OSBPL10: variants seen among roughly 807,000 people sequenced by gnomAD.
OSBPL10 encodes oxysterol-binding protein-related protein 10.
A neutral mutation model predicts 81.7 loss-of-function variants in OSBPL10; 49 were observed. The observed-to-expected ratio is 0.60, with a 90% CI of 0.48 to 0.76. OSBPL10 has a LOEUF of 0.76. OSBPL10 is among the 30% of genes least tolerant of loss of function. The pLI is 0.00. For missense variants in OSBPL10, 923 were observed against 987.8 expected (o/e 0.93, Z 0.88); for synonymous variants, 419 against 383.6 (o/e 1.09, Z -1.08).
At chr3:32,054,810 C>T (rs1228841042) in intron 1 of OSBPL10, among the ~76,000 whole-genome samples, 3 of 152,076 alleles carry the variant, frequency 2.0e-5, no homozygotes, top group Non-Finnish European at 4.4e-5. Context: ...GGATTACAGG[C>T]ATGAGCCACT....
At chr3:31,767,884 C>T (rs533708485) in intron 4 of OSBPL10, among the ~76,000 whole-genome samples, 1 of 152,136 alleles carries the variant, frequency 6.6e-6, no homozygotes, top group East Asian at 1.9e-4. Flanking sequence ...TCACATGGGT[C>T]GTTGGCTTCA....
chr3:31,716,390 A>C lies in OSBPL10; in HGVS notation c.1096-13882T>G, dbSNP rs1167129802. On this transcript the variant is annotated intron_variant, in intron 6 of 11. Transcript: ENST00000396556. ...TACAACAGATCTCTAGGACTTTTTC[A>C]TCCTGTATAGCAAACTCTATACCCA... Among the ~76,000 whole-genome samples the C allele has an allele frequency of 2.0e-5, 3 of 152,158 alleles. No individual in the cohort carries two copies. The South Asian group carries it at 6.2e-4, about 32-fold the overall frequency.
At chr3:31,862,484 CTTTT>C (rs202015997) in intron 3 of OSBPL10, among the ~76,000 whole-genome samples, 1 of 151,346 alleles carries the variant, frequency 6.6e-6, no homozygotes, top group Non-Finnish European at 1.5e-5. Context: ...AAATGTAATG[CTTTT>C]TTTTTATTTT....
intron 1 of OSBPL10, among the ~76,000 whole-genome samples, chr3:31,971,122 G>GTTTTTTTTTTT (rs141324910): frequency 7.2e-6 from 1 of 139,560 alleles, no homozygotes; most frequent in African/African-American, 2.6e-5. Flanking sequence ...TTTTTTTTCT[G>GTTTTTTTTTTT]TTTTTTTTTC....
At chr3:31,826,075 T>C (rs915886683) in intron 4 of OSBPL10, among the ~76,000 whole-genome samples, 2 of 152,220 alleles carry the variant, frequency 1.3e-5, no homozygotes, top group African/African-American at 4.8e-5. Flanking sequence ...TGAATAGCTT[T>C]ATCCAAATTA....
chr3:31,812,873 G>A (rs1699745787), intron 4 of OSBPL10, among the ~76,000 whole-genome samples: 1 of 151,504 alleles, frequency 6.6e-6, no homozygotes, highest in Non-Finnish European at 1.5e-5. Context: ...CATGTGAGAA[G>A]GACAATTATT....
chr3:32,035,183 T>C (rs1015478381), intron 2 of OSBPL10, among the ~76,000 whole-genome samples: 1 of 152,160 alleles, frequency 6.6e-6, no homozygotes, highest in Non-Finnish European at 1.5e-5. Flanking sequence ...TTTGGGAGCC[T>C]GCCTGAAGAA....
intron 6 of OSBPL10, among the ~76,000 whole-genome samples, chr3:31,728,994 T>TA (rs1373662370): frequency 6.6e-6 from 1 of 152,208 alleles, no homozygotes; most frequent in Non-Finnish European, 1.5e-5. Context: ...GGGAGCATTT[T>TA]AGATTTTGAA....
chr3:31,740,857 T>TTTTATATA lies in OSBPL10; in HGVS notation c.940+7052_940+7053insTATATAAA, dbSNP rs1553620066. Among the ~76,000 whole-genome samples, 14 of 136,432 alleles carry TTTTATATA rather than the reference T, an allele frequency of 1.0e-4. 1 individual carries two copies. Among genetic ancestry groups the TTTTATATA allele is most frequent in the African/African-American group, 4.4e-4 (13 of 29,804 alleles). The allele number at this position is 136,432 out of a possible 152,430, so 89.5% of individuals were successfully genotyped here. ...AACTTAATATGACCACTACTAGAATTTATATATATATGTCATATTTCTTCC... is the reference window on the plus strand; with the variant it reads ...AACTTAATATGACCACTACTAGAATTTTTATATATATATATATATGTCATATTTCTTCC... On this transcript the variant is annotated intron_variant, in intron 5 of 11. Transcript: ENST00000396556.
intron 4 of OSBPL10, among the ~76,000 whole-genome samples, chr3:31,815,048 C>A (rs1305831089): frequency 6.8e-6 from 1 of 146,008 alleles, no homozygotes; most frequent in Non-Finnish European, 1.5e-5. Flanking sequence ...ATCCCCGGAG[C>A]GCTTCTTAGA....
At chr3:31,730,842 C>T (rs566841357) in intron 6 of OSBPL10, among the ~76,000 whole-genome samples, 2 of 152,312 alleles carry the variant, frequency 1.3e-5, no homozygotes, top group South Asian at 2.1e-4. Context: ...ATGTTCTAAA[C>T]GGTAAACCAG....
rs371765636 is a variant in OSBPL10 at position 31,769,470 on chromosome 3, C to CAA, written c.730-21352_730-21351dup. 1.7e-4 allele frequency among the ~76,000 whole-genome samples: 5 copies of CAA among 28,854 alleles called. 2 individuals are homozygous for CAA. The highest frequency in any genetic ancestry group is 2.2e-4 in the Non-Finnish European group (3 of 13,470). The allele number at this position is 28,854 out of a possible 152,430, so 18.9% of individuals were successfully genotyped here. A position where few individuals can be genotyped will look rare whatever the true frequency, so the allele number is the denominator to read the frequency against. On this transcript the variant is annotated intron_variant, in intron 4 of 11. Coordinates refer to ENST00000396556, the MANE Select transcript of OSBPL10 (RefSeq NM_017784.5). ...CAAAAAAAAAAAAACAAAAAAAAAA[C>CAA]AAAAAAAAACAGAATAAAAATATAT...
intron 1 of OSBPL10, among the ~76,000 whole-genome samples, chr3:31,905,003 G>A (rs560157715): frequency 6.6e-6 from 1 of 152,278 alleles, no homozygotes; most frequent in East Asian, 1.9e-4. Flanking sequence ...AAGCAACAAA[G>A]GAATCGAGTA....
intron 1 of OSBPL10, among the ~76,000 whole-genome samples, chr3:31,888,153 A>G (rs1459157853): frequency 2.6e-5 from 4 of 152,238 alleles, no homozygotes; most frequent in African/African-American, 7.2e-5. Context: ...CAGAATAGAG[A>G]ACTCAGAAAT....
chr3:31,792,860 CTGTGTGTGT>C (rs1242266308), intron 4 of OSBPL10, among the ~76,000 whole-genome samples: 2 of 126,648 alleles, frequency 1.6e-5, no homozygotes, highest in African/African-American at 6.1e-5. Context: ...TCTAGGCACT[CTGTGTGTGT>C]GTGTGTGTGT....
At chr3:32,005,460 C>G (rs1238315625) in intron 2 of OSBPL10, among the ~76,000 whole-genome samples, 2 of 146,216 alleles carry the variant, frequency 1.4e-5, no homozygotes, top group Non-Finnish European at 3.1e-5. Flanking sequence ...GCAAGTTTCT[C>G]TGGAGCATTT....
chr3:31,979,110 T>C (rs886693890), intron 1 of OSBPL10, among the ~76,000 whole-genome samples: 14 of 152,190 alleles, frequency 9.2e-5, no homozygotes, highest in African/African-American at 1.4e-4. Context: ...ACAAGGCACC[T>C]TGAGTTGCCA....
At chr3:31,897,828 T>C (rs535241095) in intron 1 of OSBPL10, among the ~76,000 whole-genome samples, 19 of 151,208 alleles carry the variant, frequency 1.3e-4, no homozygotes, top group African/African-American at 4.1e-4. Context: ...GCCAATATGG[T>C]GAAACCCCAT....
intron 4 of OSBPL10, among the ~76,000 whole-genome samples, chr3:31,798,040 C>G (rs1699280304): frequency 6.6e-6 from 1 of 152,138 alleles, no homozygotes; most frequent in South Asian, 2.1e-4. Flanking sequence ...TATTTTTCTA[C>G]TAATAGACTA....
Sources: allele counts gnomAD v4.1 joint callset (sites outside exome capture counted in the v4.1 genomes callset), GRCh38; gene constraint gnomAD v4.1.1; transcripts MANE v1.5; gene names NCBI Gene and HGNC (gene_info 2026-07-23, HGNC 2026-07-21).